The following NSL1 variants were observed in gnomAD, a reference collection of about 807,000 sequenced individuals.
NSL1 encodes the protein NSL1 component of MIS12 kinetochore complex.
In NSL1, 11 loss-of-function variants were observed where a neutral mutation model predicts 25.4. The observed-to-expected ratio is 0.43, with a 90% CI of 0.27 to 0.72. NSL1 has a LOEUF of 0.72. Ranked by LOEUF, NSL1 falls within the 30% of genes least tolerant of loss-of-function variation. The pLI is 0.19. For synonymous variants in NSL1, 118 were observed against 120.6 expected (o/e 0.98, Z 0.14); for missense variants, 330 against 342.7 (o/e 0.96, Z 0.29).
rs1020092304 is a variant in NSL1 at position 212,760,522 on chromosome 1, G to T, written c.500-20921C>A. Among the ~76,000 whole-genome samples, 4 of 152,086 alleles carry T rather than the reference G, an allele frequency of 2.6e-5. No homozygotes were observed. The highest frequency in any genetic ancestry group is 9.7e-5 in the African/African-American group (4 of 41,404). On this transcript the variant is annotated intron_variant, in intron 4 of 5. Transcript: ENST00000366977. This position sits in a 1 kb window ranked among gnomAD's most constrained non-coding sequence, Gnocchi z 4.3. The stretch of plus-strand genomic sequence containing the variant: ...ATCCACACACTCCTCCCCAGGGCTT[G>T]AGGACGGGCCTGACTAGCCTATCAT...
At chr1:212,770,138 G>C (rs966604941) in intron 4 of NSL1, among the ~76,000 whole-genome samples, 6 of 152,078 alleles carry the variant, frequency 3.9e-5, no homozygotes, top group Middle Eastern at 3.4e-3. Flanking sequence ...TTCAGAAAGA[G>C]GATATAATAA....
chr1:212,782,692 T>A (rs761247210), intron 3 of NSL1, among the ~76,000 whole-genome samples: 2 of 152,096 alleles, frequency 1.3e-5, no homozygotes, highest in Non-Finnish European at 2.9e-5. Context: ...TCAAGCAAAT[T>A]AAAAGCATAG....
rs997412692 is a variant in NSL1, at chr1:212,735,529, G to C, written c.*2879C>G. 5 of 985,294 alleles carry C rather than the reference G, an allele frequency of 5.1e-6. No homozygotes were observed. In the African/African-American group the frequency reaches 8.7e-5, roughly 17 times the overall value. 61.0% of individuals were successfully genotyped at this position (985,294 alleles called of 1,614,324 possible). A position where few individuals can be genotyped will look rare whatever the true frequency, so the allele number is the denominator to read the frequency against. ...ATAAAGGGCCAGGGAAAGAGGTCTA[G>C]GATAAGATTTTCTGTGGGCTTGTGT... On this transcript the variant is annotated 3_prime_UTR_variant, in exon 6 of 6. Coordinates refer to ENST00000366977, the MANE Select transcript of NSL1 (RefSeq NM_015471.4).
At position 212,729,559 on chromosome 1, in the gene NSL1, G is replaced by A. The variant is rs11120007; in HGVS notation, c.*8849C>T. Reference sequence around the variant, plus strand: ...CAACTTTGCCCATTTTTATTATTCTGCCAGTGTCATCCCCTCATTTCTACA... The same window carrying A: ...CAACTTTGCCCATTTTTATTATTCTACCAGTGTCATCCCCTCATTTCTACA... On this transcript the variant is annotated 3_prime_UTR_variant, in exon 6 of 6. Transcript: ENST00000366977. 0.16 allele frequency: 153,110 copies of A among 985,076 alleles called. 12,485 individuals carry two copies. The highest frequency in any genetic ancestry group is 0.29 in the African/African-American group (16,402 of 57,256). The allele number at this position is 985,076 out of a possible 1,614,324, so 61.0% of individuals were successfully genotyped here.
chr1:212,735,114 C>CTAA lies in NSL1; in HGVS notation c.*3291_*3293dup, dbSNP rs895207211. Among the ~76,000 whole-genome samples, 19 of 152,202 alleles carry CTAA rather than the reference C, an allele frequency of 1.2e-4. No homozygotes were observed. The highest frequency in any genetic ancestry group is 4.3e-4 in the African/African-American group (18 of 41,460). On this transcript the variant is annotated 3_prime_UTR_variant, in exon 6 of 6. Coordinates refer to ENST00000366977, the MANE Select transcript of NSL1 (RefSeq NM_015471.4). Reference sequence around the variant, plus strand: ...ATGTAACTTGCCCAATGTCACTGAACTAATAATGGTAGAACTGCAATCTGA... The same window carrying CTAA: ...ATGTAACTTGCCCAATGTCACTGAACTAATAATAATGGTAGAACTGCAATCTGA...
intron 4 of NSL1, among the ~76,000 whole-genome samples, chr1:212,774,996 T>G (rs1198525965): frequency 6.6e-6 from 1 of 152,226 alleles, no homozygotes; most frequent in Non-Finnish European, 1.5e-5. Context: ...AAAGTCTGTA[T>G]ACTCATGAAT....
intron 4 of NSL1, among the ~76,000 whole-genome samples, chr1:212,763,015 G>A (rs979286827): frequency 3.9e-5 from 6 of 152,298 alleles, no homozygotes; most frequent in East Asian, 3.9e-4. Context: ...GGAGCTGGGC[G>A]TCCGGCCTTA....
At position 212,731,912 on chromosome 1, in the gene NSL1, A is replaced by G. The variant is rs1164409081; in HGVS notation, c.*6496T>C. On this transcript the variant is annotated 3_prime_UTR_variant, in exon 6 of 6. Transcript: ENST00000366977. ...TACCCTGCCCCAGGACCCAGCAGCTATAAGGGCCTCCACACCCCACCTTAC... is the reference window on the plus strand; with the variant it reads ...TACCCTGCCCCAGGACCCAGCAGCTGTAAGGGCCTCCACACCCCACCTTAC... 1.3e-5 allele frequency: 13 copies of G among 985,304 alleles called. No individual in the cohort carries two copies. Among genetic ancestry groups the G allele is most frequent in the Non-Finnish European group, 1.4e-5 (12 of 829,922 alleles). 61.0% of individuals were successfully genotyped at this position (985,304 alleles called of 1,614,324 possible). A position where few individuals can be genotyped will look rare whatever the true frequency, so the allele number is the denominator to read the frequency against.
chr1:212,772,269 G>T (rs1481092063), intron 4 of NSL1, among the ~76,000 whole-genome samples: 8 of 152,088 alleles, frequency 5.3e-5, no homozygotes, highest in Non-Finnish European at 1.2e-4. Context: ...CAAATCAGAA[G>T]AATTAACATT....
At chr1:212,747,414 TAA>T (rs1658853761) in intron 4 of NSL1, among the ~76,000 whole-genome samples, 1 of 152,224 alleles carries the variant, frequency 6.6e-6, no homozygotes, top group African/African-American at 2.4e-5. Context: ...TGTAAGGAAC[TAA>T]AGTCTCTAAC....
rs1270107124 is a variant in NSL1, at chr1:212,727,246, T to C, written c.*11162A>G. 1.4e-6 allele frequency: 2 copies of C among 1,396,998 alleles called. No homozygotes were observed. Among genetic ancestry groups the C allele is most frequent in the South Asian group, 1.7e-5 (1 of 58,994 alleles). 86.5% of individuals were successfully genotyped at this position (1,396,998 alleles called of 1,614,324 possible). On this transcript the variant is annotated 3_prime_UTR_variant, in exon 6 of 6. Coordinates refer to ENST00000366977, the MANE Select transcript of NSL1 (RefSeq NM_015471.4). ...TTTTTCTGAAAACTATATATGGCTT[T>C]CAAGACTTGCCTTGAGACTCAGAGC...
chr1:212,791,647 G>C lies in NSL1; in HGVS notation c.117C>G (p.Arg39=). The C allele has an allele frequency of 1.9e-6, 3 of 1,613,952 alleles. No individual in the cohort carries two copies. Among genetic ancestry groups the C allele is most frequent in the Non-Finnish European group, 1.7e-6 (2 of 1,180,036 alleles). ...SATPREDFRV[R]CTSKRAVTEM... is the part of the protein sequence containing the mutation. ...CGGTCACAGCCCGCTTCGAGGTGCA[G>C]CGCACCCGAAAGTCTTCTCGGGGAG... is the stretch of plus-strand genomic sequence containing the variant. The change falls in exon 1 of 6, where the codon CGC becomes CGG. Residue 39 remains arginine, a synonymous_variant. Coordinates refer to ENST00000366977, the MANE Select transcript of NSL1 (RefSeq NM_015471.4).
intron 4 of NSL1, among the ~76,000 whole-genome samples, chr1:212,753,678 G>C (rs897113467): frequency 6.6e-6 from 1 of 152,086 alleles, no homozygotes; most frequent in Non-Finnish European, 1.5e-5. Context: ...ATGAGTAACA[G>C]TCACTCATGA....
chr1:212,772,502 A>AAAATAAAT (rs548805784), intron 4 of NSL1, among the ~76,000 whole-genome samples: 1 of 151,714 alleles, frequency 6.6e-6, no homozygotes, highest in African/African-American at 2.4e-5. Context: ...CCAAAAAACA[A>AAAATAAAT]AAATAAATAA....
intron 4 of NSL1, among the ~76,000 whole-genome samples, chr1:212,751,320 C>A (rs1659057617): frequency 6.6e-6 from 1 of 152,108 alleles, no homozygotes. Context: ...TTTTAGCAAC[C>A]CTGGGAGGCA....
At position 212,727,394 on chromosome 1, in the gene NSL1, C is replaced by G. The variant is rs1366366101; in HGVS notation, c.*11014G>C. 1.0e-6 allele frequency: 1 copy of G among 985,346 alleles called. No homozygotes were observed. Among genetic ancestry groups the G allele is most frequent in the Non-Finnish European group, 1.2e-6 (1 of 829,920 alleles). The allele number at this position is 985,346 out of a possible 1,614,324, so 61.0% of individuals were successfully genotyped here. On this transcript the variant is annotated 3_prime_UTR_variant, in exon 6 of 6. Transcript: ENST00000366977. ...CTTAACCAGGGAAATAAGTATCAGTCAAGTTAATGTTTCCAAAATATACTC... is the reference window on the plus strand; with the variant it reads ...CTTAACCAGGGAAATAAGTATCAGTGAAGTTAATGTTTCCAAAATATACTC...
chr1:212,754,805 TG>T (rs1659229737), intron 4 of NSL1, among the ~76,000 whole-genome samples: 1 of 111,006 alleles, frequency 9.0e-6, no homozygotes, highest in Admixed American at 8.4e-5. Flanking sequence ...AAGACAAAAC[TG>T]CTCCTAACCG....
At chr1:212,772,594 T>C (rs944600754) in intron 4 of NSL1, among the ~76,000 whole-genome samples, 2 of 152,090 alleles carry the variant, frequency 1.3e-5, no homozygotes, top group Non-Finnish European at 2.9e-5. Context: ...CAAGAATCAC[T>C]TGAACTCGGG....
intron 4 of NSL1, among the ~76,000 whole-genome samples, chr1:212,744,876 C>T (rs1175580033): frequency 2.0e-5 from 3 of 152,082 alleles, no homozygotes; most frequent in African/African-American, 4.8e-5. Context: ...CCATAGCTCA[C>T]GCCTGTAATC....
Sources: allele counts gnomAD v4.1 joint callset (sites outside exome capture counted in the v4.1 genomes callset), GRCh38; gene constraint gnomAD v4.1.1; non-coding constraint Gnocchi (gnomAD v3.1); transcripts MANE v1.5; gene names NCBI Gene and HGNC (gene_info 2026-07-23, HGNC 2026-07-21).